SYT17: variants seen among roughly 807,000 people sequenced by gnomAD.
SYT17 encodes synaptotagmin 17, also known as synaptotagmin-17.
In SYT17, 22 loss-of-function variants were observed where a neutral mutation model predicts 46.7. The ratio of observed to expected loss-of-function variants is 0.47; its 90% CI spans 0.34 to 0.67. The LOEUF is 0.67. SYT17 is among the 30% of genes least tolerant of loss of function. The probability of loss-of-function intolerance (pLI) is 0.01; values close to 1 mark genes in which losing one functional copy is unlikely to be tolerated. For synonymous variants in SYT17, 251 were observed against 248.4 expected, an observed-to-expected ratio of 1.01 and a Z score of -0.10; for missense variants, 519 against 612.8, an observed-to-expected ratio of 0.85 and a Z score of 1.62.
At chr16:19,208,626 G>A (rs931109571) in intron 5 of SYT17, among the ~76,000 whole-genome samples, 4 of 152,104 alleles carry the variant, frequency 2.6e-5, no homozygotes, top group African/African-American at 9.7e-5. Context: ...AGATTTGGGT[G>A]GGGACAAAGA....
At chr16:19,234,716 G>A (rs1223064321) in intron 7 of SYT17, among the ~76,000 whole-genome samples, 1 of 152,204 alleles carries the variant, frequency 6.6e-6, no homozygotes, top group Non-Finnish European at 1.5e-5. Flanking sequence ...TTTGTGTAAA[G>A]TGTAGCAATC....
intron 7 of SYT17, among the ~76,000 whole-genome samples, chr16:19,248,461 G>A (rs1429688177): frequency 6.6e-6 from 1 of 152,220 alleles, no homozygotes; most frequent in Non-Finnish European, 1.5e-5. Context: ...CACCAAAAAA[G>A]TGGAAATGAT....
At chr16:19,187,108 C>T (rs1357528557) in intron 5 of SYT17, among the ~76,000 whole-genome samples, 1 of 152,180 alleles carries the variant, frequency 6.6e-6, no homozygotes, top group Admixed American at 6.5e-5. Flanking sequence ...AATCACAGCT[C>T]ACTGCAGCCC....
Position 19,168,421 on chromosome 16 carries a change from C to T in SYT17, c.-226C>T, listed in dbSNP as rs975108418. ...CCCTGGGCGCCCGATATCTCCGAAC[C>T]GGGGAGGCGGCCCCGATTCCGAGAG... On this transcript the variant is annotated 5_prime_UTR_variant, in exon 1 of 8. Transcript: ENST00000355377. The surrounding 1 kb of genome is among the most constrained non-coding windows in gnomAD (Gnocchi z 6.9). The T allele has an allele frequency of 6.6e-6, 4 of 601,904 alleles. No individual in the cohort carries two copies. The African/African-American group carries it at 8.0e-5, about 12-fold the overall frequency. 37.3% of individuals were successfully genotyped at this position (601,904 alleles called of 1,614,324 possible). A position where few individuals can be genotyped will look rare whatever the true frequency, so the allele number is the denominator to read the frequency against.
At position 19,178,650 on chromosome 16, in the gene SYT17, G is replaced by A. The variant is rs537297007; in HGVS notation, c.183-1741G>A. Among the ~76,000 whole-genome samples the A allele has an allele frequency of 3.9e-5, 6 of 152,236 alleles. No individual in the cohort carries two copies. In the South Asian group the frequency reaches 1.2e-3, roughly 32 times the overall value. ...CTCATCTCATGCACAGGATGCGTCT[G>A]AAGACCTCACAGCATTCAAAACTTG... is the stretch of plus-strand genomic sequence containing the variant. On this transcript the variant is annotated intron_variant, in intron 3 of 7. Transcript: ENST00000355377.
At chr16:19,240,006 C>T (rs566404941) in intron 7 of SYT17, among the ~76,000 whole-genome samples, 8 of 152,190 alleles carry the variant, frequency 5.3e-5, no homozygotes, top group Non-Finnish European at 5.9e-5. Context: ...CGGCTGGCAC[C>T]GGGGAACACA....
intron 3 of SYT17, among the ~76,000 whole-genome samples, chr16:19,179,009 C>A (rs998592299): frequency 6.6e-6 from 1 of 150,884 alleles, no homozygotes; most frequent in Non-Finnish European, 1.5e-5. Context: ...CCAGCCTGGG[C>A]AACATAGTGA....
chr16:19,257,454 AAG>A (rs1968656765), intron 7 of SYT17, among the ~76,000 whole-genome samples: 2 of 152,144 alleles, frequency 1.3e-5, no homozygotes, highest in African/African-American at 4.8e-5. Flanking sequence ...GAAGAAAAAA[AAG>A]AGAGTGCTCC....
In SYT17 at chr16:19,206,261, C is replaced by T. The variant is rs902742736; in HGVS notation, c.952-16784C>T. Among the ~76,000 whole-genome samples the T allele has an allele frequency of 5.9e-5, 9 of 152,240 alleles. No homozygotes were observed. The East Asian group carries it at 1.2e-3, about 20-fold the overall frequency. ...TAGAAGGTAAGAGGAAGAGCAGGAG[C>T]GGACAGTGTCATGTGAACAAACGGA... On this transcript the variant is annotated intron_variant, in intron 5 of 7. Transcript: ENST00000355377.
At chr16:19,229,809 G>C (rs1275111113) in intron 7 of SYT17, among the ~76,000 whole-genome samples, 1 of 152,164 alleles carries the variant, frequency 6.6e-6, no homozygotes, top group Non-Finnish European at 1.5e-5. Context: ...GAAGCAACCT[G>C]AACATGCATC....
chr16:19,220,303 C>CTTTTTTTTTTTTTTTTTT (rs1555459738), intron 5 of SYT17, among the ~76,000 whole-genome samples: 10 of 80,512 alleles, frequency 1.2e-4, no homozygotes, highest in African/African-American at 3.5e-4. Context: ...TTCTTTCTTT[C>CTTTTTTTTTTTTTTTTTT]TTTTTTTTTT....
intron 4 of SYT17, among the ~76,000 whole-genome samples, chr16:19,181,999 CAAAA>C (rs371941934): frequency 3.7e-5 from 3 of 81,904 alleles, no homozygotes; most frequent in Non-Finnish European, 5.3e-5. Flanking sequence ...AACTCTGTCT[CAAAA>C]AAAAAAAAAA....
chr16:19,238,795 C>T (rs773312880), intron 7 of SYT17, among the ~76,000 whole-genome samples: 2 of 152,128 alleles, frequency 1.3e-5, no homozygotes, highest in Non-Finnish European at 1.5e-5. Flanking sequence ...CTTTGTGCCT[C>T]GGTGGTGGCA....
chr16:19,188,513 CAAAAAAAAA>C (rs61202540), intron 5 of SYT17, among the ~76,000 whole-genome samples: 4 of 64,586 alleles, frequency 6.2e-5, no homozygotes, highest in African/African-American at 2.0e-4. Flanking sequence ...TTCAGTTCTG[CAAAAAAAAA>C]AAAAAAAAAA....
chr16:19,187,596 C>G (rs1014376510), intron 5 of SYT17, among the ~76,000 whole-genome samples: 1 of 152,192 alleles, frequency 6.6e-6, no homozygotes, highest in African/African-American at 2.4e-5. Flanking sequence ...AGGCAAGAAG[C>G]TCACACAAAG....
chr16:19,254,237 C>T (rs1398161902), intron 7 of SYT17, among the ~76,000 whole-genome samples: 1 of 152,160 alleles, frequency 6.6e-6, no homozygotes, highest in Non-Finnish European at 1.5e-5. Context: ...ACAGGCTTCA[C>T]CTTGCAGGGA....
chr16:19,248,970 T>C (rs1967805727), intron 7 of SYT17, among the ~76,000 whole-genome samples: 1 of 152,070 alleles, frequency 6.6e-6, no homozygotes, highest in East Asian at 1.9e-4. Context: ...GGATTTCTAC[T>C]AAAGGCAAAA....
At chr16:19,220,893 C>T (rs561328580) in intron 5 of SYT17, among the ~76,000 whole-genome samples, 7 of 151,908 alleles carry the variant, frequency 4.6e-5, no homozygotes, top group South Asian at 4.1e-4. Context: ...TGAGGGATGA[C>T]GAAGAATGAA....
At chr16:19,197,033 C>T (rs1276535422) in intron 5 of SYT17, among the ~76,000 whole-genome samples, 1 of 152,236 alleles carries the variant, frequency 6.6e-6, no homozygotes, top group Admixed American at 6.5e-5. Context: ...AGATCACTCA[C>T]CACCTGGCAC....
Sources: gnomAD v4.1 joint callset for allele counts (sites outside exome capture counted in the v4.1 genomes callset) on GRCh38, gnomAD v4.1.1 for gene constraint, Gnocchi (gnomAD v3.1) non-coding constraint, MANE v1.5 for transcripts, NCBI Gene and HGNC (gene_info 2026-07-23, HGNC 2026-07-21) for gene names.